DENND1A: variants seen among roughly 807,000 people sequenced by gnomAD.
The protein encoded by DENND1A is DENN domain containing 1A.
A neutral mutation model predicts 113.7 loss-of-function variants in DENND1A; 51 were observed. That is an observed-to-expected ratio of 0.45 (90% CI 0.36 to 0.57). The LOEUF (loss-of-function observed/expected upper bound fraction) is 0.57, where lower values mean the gene tolerates loss of function less well. Ranked by LOEUF, DENND1A falls within the 20% of genes least tolerant of loss-of-function variation. The pLI, the probability that DENND1A is intolerant of heterozygous loss-of-function variation, is 0.00. For missense variants in DENND1A, 1,258 were observed against 1,395.9 expected (o/e 0.90, Z 1.57); for synonymous variants, 565 against 570.8 (o/e 0.99, Z 0.14).
intron 1 of DENND1A, among the ~76,000 whole-genome samples, chr9:123,918,443 A>C (rs1158389305): frequency 6.6e-6 from 1 of 150,938 alleles, no homozygotes; most frequent in African/African-American, 2.4e-5. Flanking sequence ...AGCTGAGATC[A>C]CGCCACTGCT....
intron 13 of DENND1A, among the ~76,000 whole-genome samples, chr9:123,472,430 C>T (rs1226086277): frequency 1.3e-5 from 2 of 152,190 alleles, no homozygotes; most frequent in Non-Finnish European, 2.9e-5. Context: ...AAGGGAGTTG[C>T]TGGTTCCCCT....
intron 1 of DENND1A, among the ~76,000 whole-genome samples, chr9:123,928,270 G>A (rs920004298): frequency 2.0e-5 from 3 of 152,150 alleles, no homozygotes; most frequent in African/African-American, 7.2e-5. Flanking sequence ...TTTTAATACT[G>A]GTTCTGACAC....
intron 19 of DENND1A, among the ~76,000 whole-genome samples, chr9:123,413,045 A>G (rs1391429307): frequency 6.6e-6 from 1 of 152,232 alleles, no homozygotes; most frequent in South Asian, 2.1e-4. Flanking sequence ...TTAGCCGGGC[A>G]TGATGGCACA....
chr9:123,395,476 G>C (rs1200952341), intron 21 of DENND1A, among the ~76,000 whole-genome samples: 1 of 147,528 alleles, frequency 6.8e-6, no homozygotes, highest in Non-Finnish European at 1.5e-5. Context: ...CTCTGTGTGT[G>C]TGTGTGTGTG....
At position 123,667,015 on chromosome 9, in the gene DENND1A, C is replaced by T; in HGVS notation, c.507+11G>A. The T allele has an allele frequency of 6.3e-7, 1 of 1,579,088 alleles. No homozygotes were observed. The highest frequency in any genetic ancestry group is 8.6e-7 in the Non-Finnish European group (1 of 1,168,714). ...TAAAAATTTAATTTTTTCTTCTTCCCAAGTACTTACATTCTCAGGTATGCT... is the reference window on the plus strand; with the variant it reads ...TAAAAATTTAATTTTTTCTTCTTCCTAAGTACTTACATTCTCAGGTATGCT... On this transcript the variant is annotated intron_variant, in intron 8 of 23. Coordinates refer to ENST00000394215, the MANE Select transcript of DENND1A (RefSeq NM_001352964.2).
chr9:123,702,384 C>T (rs2065933880), intron 5 of DENND1A, among the ~76,000 whole-genome samples: 2 of 152,046 alleles, frequency 1.3e-5, no homozygotes, highest in South Asian at 4.1e-4. Flanking sequence ...GGTAGGAAAG[C>T]TTATTTAAAT....
intron 5 of DENND1A, among the ~76,000 whole-genome samples, chr9:123,740,115 C>T (rs950814580): frequency 6.6e-5 from 10 of 152,062 alleles, no homozygotes; most frequent in South Asian, 2.1e-4. Context: ...TGCAATCTTG[C>T]GCAACATGTT....
intron 5 of DENND1A, among the ~76,000 whole-genome samples, chr9:123,699,928 C>A (rs112205541): frequency 0.18 from 27,937 of 152,028 alleles, 2,748 homozygotes; most frequent in African/African-American, 0.27. Context: ...AAACTCCCAA[C>A]CTCAGGTGAT....
chr9:123,676,765 A>G lies in DENND1A; in HGVS notation c.327T>C (p.Phe109=), dbSNP rs751590410. 2.5e-6 allele frequency: 4 copies of G among 1,614,114 alleles called. No homozygotes were observed. Among genetic ancestry groups the G allele is most frequent in the South Asian group, 1.1e-5 (1 of 91,082 alleles). Reference sequence around the variant, plus strand: ...CTGCCAGGATGTTAAGCAGCTTATAAAATACCTCGAACCAGGGGAGATAGC... The same window carrying G: ...CTGCCAGGATGTTAAGCAGCTTATAGAATACCTCGAACCAGGGGAGATAGC... ...ILSYLPWFEV[F]YKLLNILADY... is the part of the protein sequence containing the mutation. Residue 109 remains phenylalanine (F), a synonymous_variant, in exon 6 of 24, where the codon TTT becomes TTC. Coordinates refer to ENST00000394215, the MANE Select transcript of DENND1A (RefSeq NM_001352964.2).
intron 13 of DENND1A, among the ~76,000 whole-genome samples, chr9:123,550,602 A>C (rs745428798): frequency 4.6e-5 from 7 of 152,246 alleles, no homozygotes; most frequent in Non-Finnish European, 1.0e-4. Context: ...AAAGGGGATG[A>C]ATTGAAAGCA....
At chr9:123,683,916 G>A (rs762695971) in intron 5 of DENND1A, among the ~76,000 whole-genome samples, 1 of 152,178 alleles carries the variant, frequency 6.6e-6, no homozygotes, top group Non-Finnish European at 1.5e-5. Context: ...TAGTCGGGAC[G>A]TGGGGATCCA....
At position 123,702,479 on chromosome 9, in the gene DENND1A, A is replaced by T. The variant is rs531050384; in HGVS notation, c.303-25690T>A. Among the ~76,000 whole-genome samples, 3 of 152,318 alleles carry T rather than the reference A, an allele frequency of 2.0e-5. No homozygotes were observed. In the South Asian group the frequency reaches 6.2e-4, roughly 32 times the overall value. On this transcript the variant is annotated intron_variant, in intron 5 of 23. Coordinates refer to ENST00000394215, the MANE Select transcript of DENND1A (RefSeq NM_001352964.2). ...GGTCAAAAGCCTCCAATCAGATTCA[A>T]TTCAAATAAGACTACCCCAAGATAG...
chr9:123,552,225 G>A (rs1203565366), intron 13 of DENND1A, among the ~76,000 whole-genome samples: 5 of 152,114 alleles, frequency 3.3e-5, no homozygotes, highest in Non-Finnish European at 7.4e-5. Context: ...GTCCCCCAAC[G>A]GGCTCCAGAC....
intron 12 of DENND1A, among the ~76,000 whole-genome samples, chr9:123,561,919 T>G (rs2057781263): frequency 6.6e-6 from 1 of 152,138 alleles, no homozygotes; most frequent in African/African-American, 2.4e-5. Context: ...AGATATGCCC[T>G]GAATCCATCC....
chr9:123,615,088 C>T (rs372571004), intron 10 of DENND1A, among the ~76,000 whole-genome samples: 65 of 152,260 alleles, frequency 4.3e-4, no homozygotes, highest in African/African-American at 1.4e-3. Context: ...TTAGTGAGAG[C>T]GATGAGACAG....
At chr9:123,560,083 G>T (rs1306819316) in intron 12 of DENND1A, among the ~76,000 whole-genome samples, 1 of 152,162 alleles carries the variant, frequency 6.6e-6, no homozygotes, top group African/African-American at 2.4e-5. Context: ...TTATCGATCT[G>T]TTCATCTGCA....
intron 4 of DENND1A, among the ~76,000 whole-genome samples, chr9:123,763,865 C>T (rs909770502): frequency 2.6e-5 from 4 of 152,004 alleles, no homozygotes; most frequent in Non-Finnish European, 1.5e-5. Context: ...ATGACAGAAG[C>T]AGAAGACAAG....
intron 19 of DENND1A, among the ~76,000 whole-genome samples, chr9:123,424,410 C>T (rs1341982216): frequency 6.6e-6 from 1 of 152,176 alleles, no homozygotes; most frequent in African/African-American, 2.4e-5. Context: ...CTTTGGGTCT[C>T]CTAAATGTCT....
chr9:123,485,641 C>CGT (rs2050758073), intron 13 of DENND1A: 2 of 14,382 alleles, frequency 1.4e-4, no homozygotes, highest in South Asian at 4.3e-3. Context: ...TGCGCGTACA[C>CGT]ACACGCGCGC....
Sources: gnomAD v4.1 joint callset for allele counts (sites outside exome capture counted in the v4.1 genomes callset) on GRCh38, gnomAD v4.1.1 for gene constraint, MANE v1.5 for transcripts, NCBI Gene and HGNC (gene_info 2026-07-23, HGNC 2026-07-21) for gene names.